Variants in PHF14 observed in about 807,000 individuals in gnomAD.
PHF14 encodes PHD finger protein 14.
In PHF14, 55 loss-of-function variants were observed where a neutral mutation model predicts 117.9. The observed-to-expected ratio is 0.47, with a 90% CI of 0.38 to 0.58. PHF14 has a LOEUF of 0.58. Among genes scored for constraint, PHF14 ranks in the 20% least tolerant of loss-of-function variants. PHF14 has a pLI of 0.00. For synonymous variants in PHF14, 409 were observed against 368.6 expected, an observed-to-expected ratio of 1.11 and a Z score of -1.26; for missense variants, 978 against 1,122.2, an observed-to-expected ratio of 0.87 and a Z score of 1.84.
chr7:11,162,783 T>C (rs1047551422), intron 17 of PHF14, among the ~76,000 whole-genome samples: 6 of 151,592 alleles, frequency 4.0e-5, no homozygotes, highest in African/African-American at 1.5e-4. Flanking sequence ...CTTCCTGGGT[T>C]CAAGTGATTC....
chr7:11,022,078 A>G (rs1783755016), intron 5 of PHF14, among the ~76,000 whole-genome samples: 2 of 152,172 alleles, frequency 1.3e-5, no homozygotes, highest in Admixed American at 1.3e-4. Context: ...GCAAGCAGAA[A>G]GAGTGCCTAA....
intron 17 of PHF14, among the ~76,000 whole-genome samples, chr7:11,121,154 A>G (rs1207366010): frequency 2.0e-5 from 3 of 152,188 alleles, no homozygotes; most frequent in East Asian, 3.8e-4. Flanking sequence ...TTTAACAGGT[A>G]AATATCAGCA....
At position 10,982,704 on chromosome 7, in the gene PHF14, G is replaced by A. The variant is rs745688502; in HGVS notation, c.445G>A (p.Ala149Thr). The change falls in exon 3 of 18, where the codon GCT becomes ACT. Residue 149 changes from alanine (A) to threonine (T), a missense_variant. Around this residue, in one of 7 missense-constraint regions of PHF14, gnomAD observed 414 missense variants for 376.4 expected, o/e 1.10. Coordinates refer to ENST00000634607, the MANE Select transcript of PHF14 (RefSeq NM_001007157.2). ...TVSENVAASA[A>T]ATTPATSPPA... Reference sequence around the variant, plus strand: ...ATCTGAGAATGTGGCTGCTTCTGCTGCTGCCACCACACCAGCCACAAGTCC... The same window carrying A: ...ATCTGAGAATGTGGCTGCTTCTGCTACTGCCACCACACCAGCCACAAGTCC... The A allele has an allele frequency of 1.9e-6, 3 of 1,609,958 alleles. No homozygotes were observed. The highest frequency in any genetic ancestry group is 1.7e-5 in the Admixed American group (1 of 59,134).
chr7:11,029,605 T>C (rs1206410355), intron 7 of PHF14, among the ~76,000 whole-genome samples: 1 of 152,188 alleles, frequency 6.6e-6, no homozygotes, highest in Non-Finnish European at 1.5e-5. Context: ...ACTTCGGTAA[T>C]GGACCCATTA....
intron 4 of PHF14, among the ~76,000 whole-genome samples, chr7:11,008,287 G>A (rs1324765157): frequency 2.6e-5 from 4 of 152,198 alleles, no homozygotes; most frequent in African/African-American, 4.8e-5. Flanking sequence ...TCACTGGATA[G>A]TAGAATATGT....
chr7:11,025,749 C>T (rs555128630), intron 6 of PHF14, among the ~76,000 whole-genome samples: 4 of 151,742 alleles, frequency 2.6e-5, no homozygotes, highest in East Asian at 1.9e-4. Context: ...GAGCCGAGAT[C>T]GTGCCATTGC....
chr7:11,062,915 A>G lies in PHF14; in HGVS notation c.2654+830A>G, dbSNP rs958344056. 3.1e-6 allele frequency: 3 copies of G among 983,058 alleles called. No individual in the cohort carries two copies. The African/African-American group carries it at 5.2e-5, about 17-fold the overall frequency. The allele number at this position is 983,058 out of a possible 1,614,324, so 60.9% of individuals were successfully genotyped here. A position where few individuals can be genotyped will look rare whatever the true frequency, so the allele number is the denominator to read the frequency against. On this transcript the variant is annotated intron_variant, in intron 16 of 17. Coordinates refer to ENST00000634607, the MANE Select transcript of PHF14 (RefSeq NM_001007157.2). ...GGAATCCATTCTTATTTCTTTAAAAAATTGTCTTCTGGTAAAGCCCTGTTA... is the reference window on the plus strand; with the variant it reads ...GGAATCCATTCTTATTTCTTTAAAAGATTGTCTTCTGGTAAAGCCCTGTTA...
At chr7:11,003,870 C>G in intron 4 of PHF14, among the ~76,000 whole-genome samples, 1 of 152,140 alleles carries the variant, frequency 6.6e-6, no homozygotes, top group East Asian at 1.9e-4. Flanking sequence ...ATCTGTTGTA[C>G]CTTGTGTACC....
At chr7:11,099,097 C>T (rs1786989476) in intron 16 of PHF14, among the ~76,000 whole-genome samples, 1 of 151,906 alleles carries the variant, frequency 6.6e-6, no homozygotes, top group Non-Finnish European at 1.5e-5. Context: ...GCCCAGCTGC[C>T]ACTGAATTTT....
chr7:11,063,824 C>A, intron 16 of PHF14: 1 of 290,886 alleles, frequency 3.4e-6, no homozygotes, highest in Non-Finnish European at 5.1e-6. Flanking sequence ...AATAGTATTA[C>A]TCTATGTTAT....
chr7:11,015,618 T>C (rs563004206), intron 5 of PHF14, among the ~76,000 whole-genome samples: 1 of 152,222 alleles, frequency 6.6e-6, no homozygotes, highest in African/African-American at 2.4e-5. Flanking sequence ...GTAACCTTTT[T>C]ATGCCTCAGT....
intron 16 of PHF14, chr7:11,104,831 C>T (rs906394535): frequency 1.3e-5 from 10 of 793,578 alleles, no homozygotes; most frequent in Admixed American, 1.3e-4. Context: ...GATGCTGATG[C>T]TACTGGCCTG....
chr7:10,997,751 G>A (rs1782710748), intron 4 of PHF14, among the ~76,000 whole-genome samples: 1 of 152,204 alleles, frequency 6.6e-6, no homozygotes. Flanking sequence ...TCCCTCATAA[G>A]CTGCATGAAT....
At chr7:10,998,866 C>T (rs1050486346) in intron 4 of PHF14, among the ~76,000 whole-genome samples, 7 of 152,160 alleles carry the variant, frequency 4.6e-5, no homozygotes, top group Non-Finnish European at 1.0e-4. Flanking sequence ...ACCATCTCTA[C>T]TTCTTAAGTC....
intron 17 of PHF14, among the ~76,000 whole-genome samples, chr7:11,139,120 A>C (rs1788331897): frequency 6.6e-6 from 1 of 152,158 alleles, no homozygotes; most frequent in Admixed American, 6.5e-5. Context: ...TTCTAGTTTC[A>C]CTGAAATTGG....
intron 4 of PHF14, among the ~76,000 whole-genome samples, chr7:10,994,831 C>T (rs747004837): frequency 6.6e-5 from 10 of 152,106 alleles, no homozygotes; most frequent in East Asian, 1.9e-4. Context: ...AAAGGCAGCG[C>T]GTACCCGAAG....
chr7:10,978,283 T>G (rs1471399585), intron 2 of PHF14, among the ~76,000 whole-genome samples: 2 of 152,150 alleles, frequency 1.3e-5, no homozygotes, highest in African/African-American at 2.4e-5. Flanking sequence ...TAAAATAACA[T>G]GTAAGTAAAA....
In PHF14 at chr7:10,977,520, A is replaced by G. The variant is rs182766233; in HGVS notation, c.112+2575A>G. On this transcript the variant is annotated intron_variant, in intron 2 of 17. Transcript: ENST00000634607. Reference sequence around the variant, plus strand: ...ATAATTTAACTCTATCATAAAATAGAAACAAATCAACATTGGTAAAGAATG... The same window carrying G: ...ATAATTTAACTCTATCATAAAATAGGAACAAATCAACATTGGTAAAGAATG... Among the ~76,000 whole-genome samples the G allele has an allele frequency of 5.3e-5, 8 of 152,304 alleles. No individual in the cohort carries two copies. The East Asian group carries it at 1.5e-3, about 29-fold the overall frequency.
At chr7:11,056,034 A>G (rs189398802) in intron 14 of PHF14, among the ~76,000 whole-genome samples, 3 of 152,284 alleles carry the variant, frequency 2.0e-5, no homozygotes, top group South Asian at 2.1e-4. Context: ...ATCAGACTCA[A>G]GGTGACCTCT....
Sources: gnomAD v4.1 joint callset for allele counts (sites outside exome capture counted in the v4.1 genomes callset) on GRCh38, gnomAD v4.1.1 for gene constraint, gnomAD v4.1.1 regional missense constraint, MANE v1.5 for transcripts, NCBI Gene and HGNC (gene_info 2026-07-23, HGNC 2026-07-21) for gene names.